VWC2L: variants seen among roughly 807,000 people sequenced by gnomAD.
VWC2L encodes the protein von Willebrand factor C domain-containing protein 2-like.
A neutral mutation model predicts 21.6 loss-of-function variants in VWC2L; 10 were observed. The ratio of observed to expected loss-of-function variants is 0.46; its 90% CI spans 0.29 to 0.78. The LOEUF is 0.78. Ranked by LOEUF, VWC2L falls within the 30% of genes least tolerant of loss-of-function variation. The pLI, the probability that VWC2L is intolerant of heterozygous loss-of-function variation, is 0.10. For synonymous variants in VWC2L, 96 were observed against 94.3 expected (o/e 1.02, Z -0.10); for missense variants, 209 against 277.1 (o/e 0.75, Z 1.74).
At chr2:214,540,183 G>C (rs186166369) in intron 3 of VWC2L, among the ~76,000 whole-genome samples, 2 of 152,242 alleles carry the variant, frequency 1.3e-5, no homozygotes, top group African/African-American at 4.8e-5. Flanking sequence ...CTGGAAAACT[G>C]AGTTTTAAAT....
chr2:214,426,387 A>G (rs1466811937), intron 2 of VWC2L, among the ~76,000 whole-genome samples: 4 of 152,098 alleles, frequency 2.6e-5, no homozygotes. Context: ...GGAGCATGGG[A>G]CCAATTCACA....
intron 3 of VWC2L, among the ~76,000 whole-genome samples, chr2:214,564,614 G>GT: frequency 6.6e-6 from 1 of 152,270 alleles, no homozygotes; most frequent in Admixed American, 6.5e-5. Context: ...TGAAGGCTTT[G>GT]TTTGGCCTTC....
chr2:214,534,604 A>G lies in VWC2L; in HGVS notation c.521-41068A>G, dbSNP rs1325731920. Among the ~76,000 whole-genome samples, 3 of 152,112 alleles carry G rather than the reference A, an allele frequency of 2.0e-5. No individual in the cohort carries two copies. The East Asian group carries it at 5.8e-4, about 29-fold the overall frequency. ...TGTGCCCCCTGGAGTTGTGCAATGTAAACATCCTACAAGATCATAGATATC... is the reference window on the plus strand; with the variant it reads ...TGTGCCCCCTGGAGTTGTGCAATGTGAACATCCTACAAGATCATAGATATC... On this transcript the variant is annotated intron_variant, in intron 3 of 3. Coordinates refer to ENST00000312504, the MANE Select transcript of VWC2L (RefSeq NM_001080500.4).
chr2:214,508,138 G>A (rs974058491), intron 3 of VWC2L, among the ~76,000 whole-genome samples: 5 of 151,920 alleles, frequency 3.3e-5, no homozygotes, highest in African/African-American at 1.2e-4. Context: ...CACCGTGCCC[G>A]GCTAATTTTT....
intron 3 of VWC2L, among the ~76,000 whole-genome samples, chr2:214,539,193 C>G (rs117466484): frequency 6.6e-6 from 1 of 152,220 alleles, no homozygotes; most frequent in East Asian, 1.9e-4. Context: ...AGACACTTGA[C>G]AACATTGCAA....
chr2:214,538,535 A>G (rs1027606320), intron 3 of VWC2L, among the ~76,000 whole-genome samples: 1 of 151,996 alleles, frequency 6.6e-6, no homozygotes, highest in African/African-American at 2.4e-5. Flanking sequence ...TTATTGGACA[A>G]CTACTGCAAC....
chr2:214,535,512 A>G (rs1435867133), intron 3 of VWC2L, among the ~76,000 whole-genome samples: 3 of 152,056 alleles, frequency 2.0e-5, no homozygotes, highest in Admixed American at 2.0e-4. Context: ...CTCATGGGAA[A>G]GACCAGGTTT....
chr2:214,559,041 T>C (rs1332128342), intron 3 of VWC2L, among the ~76,000 whole-genome samples: 1 of 134,178 alleles, frequency 7.5e-6, no homozygotes, highest in Non-Finnish European at 1.5e-5. Flanking sequence ...CCCATCAGAG[T>C]GAACAGGCAA....
chr2:214,569,534 G>C (rs1690118127), intron 3 of VWC2L, among the ~76,000 whole-genome samples: 1 of 152,162 alleles, frequency 6.6e-6, no homozygotes, highest in Non-Finnish European at 1.5e-5. Context: ...TATCAAAATA[G>C]TGTCAATGAC....
intron 3 of VWC2L, among the ~76,000 whole-genome samples, chr2:214,504,699 G>A (rs760368301): frequency 2.6e-5 from 4 of 152,154 alleles, no homozygotes; most frequent in Non-Finnish European, 5.9e-5. Flanking sequence ...TATTCTCTCC[G>A]AGTCCTGGGA....
At position 214,552,117 on chromosome 2, in the gene VWC2L, C is replaced by T. The variant is rs181193434; in HGVS notation, c.521-23555C>T. On this transcript the variant is annotated intron_variant, in intron 3 of 3. Coordinates refer to ENST00000312504, the MANE Select transcript of VWC2L (RefSeq NM_001080500.4). ...CTGCTGCTGGTCCGGAGATCAGCTTCGCTGTGATTCACAGTTCCTGGAACT... is the reference window on the plus strand; with the variant it reads ...CTGCTGCTGGTCCGGAGATCAGCTTTGCTGTGATTCACAGTTCCTGGAACT... Among the ~76,000 whole-genome samples, 32 of 152,340 alleles carry T rather than the reference C, an allele frequency of 2.1e-4. No homozygotes were observed. In the East Asian group the frequency reaches 5.6e-3, roughly 27 times the overall value.
chr2:214,572,980 G>A (rs894948405), intron 3 of VWC2L, among the ~76,000 whole-genome samples: 2 of 152,140 alleles, frequency 1.3e-5, no homozygotes, highest in Non-Finnish European at 2.9e-5. Context: ...CTTGAGCTGA[G>A]AGTGCAGCAA....
At chr2:214,489,750 T>A (rs1186028848) in intron 3 of VWC2L, among the ~76,000 whole-genome samples, 1 of 152,234 alleles carries the variant, frequency 6.6e-6, no homozygotes, top group African/African-American at 2.4e-5. Flanking sequence ...TCTCCAAGGC[T>A]TAATACCAGA....
chr2:214,452,427 TG>T (rs1232099970), intron 3 of VWC2L, among the ~76,000 whole-genome samples: 1 of 152,222 alleles, frequency 6.6e-6, no homozygotes, highest in African/African-American at 2.4e-5. Flanking sequence ...ATACATGCTG[TG>T]GCATGTATCA....
intron 3 of VWC2L, chr2:214,525,186 T>C (rs1456396245): frequency 6.6e-6 from 1 of 152,068 alleles, no homozygotes; most frequent in Non-Finnish European, 1.5e-5. Context: ...AAAATCCCCA[T>C]CTGGAATTTT....
chr2:214,567,423 C>A (rs1305961416), intron 3 of VWC2L, among the ~76,000 whole-genome samples: 1 of 151,922 alleles, frequency 6.6e-6, no homozygotes, highest in Admixed American at 6.6e-5. Flanking sequence ...TTCACAGGAG[C>A]AAATCTTGCT....
chr2:214,448,907 T>C (rs990492633), intron 3 of VWC2L, among the ~76,000 whole-genome samples: 1 of 152,066 alleles, frequency 6.6e-6, no homozygotes, highest in Non-Finnish European at 1.5e-5. Flanking sequence ...TTCCATCCTA[T>C]TCTCCCAGCA....
chr2:214,531,107 A>G (rs1689427197), intron 3 of VWC2L, among the ~76,000 whole-genome samples: 1 of 152,186 alleles, frequency 6.6e-6, no homozygotes, highest in African/African-American at 2.4e-5. Flanking sequence ...CTGTAGACTC[A>G]ATAAGGTTGA....
intron 3 of VWC2L, among the ~76,000 whole-genome samples, chr2:214,522,310 G>A (rs1689255227): frequency 6.8e-6 from 1 of 146,546 alleles, no homozygotes; most frequent in Non-Finnish European, 1.5e-5. Flanking sequence ...GGGAGGCGGA[G>A]CTTGCAGTGA....
Sources: gnomAD v4.1 joint callset for allele counts (sites outside exome capture counted in the v4.1 genomes callset) on GRCh38, gnomAD v4.1.1 for gene constraint, MANE v1.5 for transcripts, NCBI Gene and HGNC (gene_info 2026-07-23, HGNC 2026-07-21) for gene names.